STIM1: variants seen among roughly 807,000 people sequenced by gnomAD.
STIM1 encodes the protein stromal interaction molecule 1.
STIM1 carries 25 observed loss-of-function variants against 74.7 expected under a neutral mutation model. The ratio of observed to expected loss-of-function variants is 0.33; its 90% confidence interval spans 0.24 to 0.47. The LOEUF (loss-of-function observed/expected upper bound fraction) is 0.47. Among genes scored for constraint, STIM1 ranks in the 20% least tolerant of loss-of-function variants. The pLI, the probability that STIM1 is intolerant of heterozygous loss-of-function variation, is 1.00. For synonymous variants in STIM1, 328 were observed against 348.8 expected (o/e 0.94, Z 0.66); for missense variants, 728 against 920.8 (o/e 0.79, Z 2.71).
intron 1 of STIM1, among the ~76,000 whole-genome samples, chr11:3,921,478 C>T (rs569487457): frequency 6.6e-6 from 1 of 152,270 alleles, no homozygotes; most frequent in African/African-American, 2.4e-5. Flanking sequence ...AGAACATCAC[C>T]ATGATATATT....
At chr11:3,911,762 C>G (rs2048791946) in intron 1 of STIM1, among the ~76,000 whole-genome samples, 1 of 152,182 alleles carries the variant, frequency 6.6e-6, no homozygotes, top group African/African-American at 2.4e-5. Flanking sequence ...TCTCTGTCCT[C>G]CTTGCCTGTA....
At chr11:4,058,504 G>T (rs536127159) in intron 4 of STIM1, among the ~76,000 whole-genome samples, 1 of 152,310 alleles carries the variant, frequency 6.6e-6, no homozygotes, top group South Asian at 2.1e-4. Context: ...AGAATTAAGT[G>T]CTTACTTGTG....
At chr11:3,980,237 T>C (rs1463870758) in intron 2 of STIM1, among the ~76,000 whole-genome samples, 4 of 152,232 alleles carry the variant, frequency 2.6e-5, no homozygotes, top group African/African-American at 9.6e-5. Flanking sequence ...CTAGGTGTTA[T>C]TAACTCCATT....
chr11:3,918,018 T>G (rs1394958485), intron 1 of STIM1, among the ~76,000 whole-genome samples: 1 of 152,208 alleles, frequency 6.6e-6, no homozygotes, highest in African/African-American at 2.4e-5. Context: ...AGAGGGACTT[T>G]ATTGACTGAG....
At chr11:3,972,913 G>C in intron 2 of STIM1, 1 of 499,114 alleles carries the variant, frequency 2.0e-6, no homozygotes, top group Non-Finnish European at 4.0e-6. Context: ...TCCTCCTTTC[G>C]TGCATCCAAA....
intron 1 of STIM1, among the ~76,000 whole-genome samples, chr11:3,936,180 A>G (rs1203352374): frequency 2.0e-5 from 3 of 152,144 alleles, no homozygotes; most frequent in African/African-American, 7.2e-5. Flanking sequence ...AAAGACAGAG[A>G]AGTTAAGTGA....
chr11:4,005,120 T>G (rs989820095), intron 2 of STIM1, among the ~76,000 whole-genome samples: 3 of 152,146 alleles, frequency 2.0e-5, no homozygotes, highest in African/African-American at 7.2e-5. Flanking sequence ...TAGGAACACT[T>G]TTACACTGTT....
Position 3,923,192 on chromosome 11 carries a change from C to CT in STIM1, c.140-44357dup, listed in dbSNP as rs1190046151. Among the ~76,000 whole-genome samples the CT allele has an allele frequency of 2.6e-5, 4 of 151,860 alleles. No individual in the cohort carries two copies. In the East Asian group the frequency reaches 7.7e-4, roughly 29 times the overall value. On this transcript the variant is annotated intron_variant, in intron 1 of 12. Coordinates refer to ENST00000526596, the MANE Select transcript of STIM1 (RefSeq NM_001382567.1). ...TTATCTAAAAGTTTTATTGTTTCAC[C>CT]TTTCCCGTTAGATCTGCAATCCATC...
At chr11:4,074,398 TG>T in intron 6 of STIM1, 103 bp from the exon 7 acceptor site, 1 of 1,368,222 alleles carries the variant, frequency 7.3e-7, no homozygotes. Flanking sequence ...GAATATATGC[TG>T]AGAGTTGGAG....
intron 1 of STIM1, among the ~76,000 whole-genome samples, chr11:3,957,729 A>T (rs573487418): frequency 3.2e-4 from 49 of 151,252 alleles, no homozygotes; most frequent in Admixed American, 1.2e-3. Flanking sequence ...CTAATTAAAA[A>T]TTTTTTTTTC....
At chr11:4,078,605 T>C (rs567579988) in intron 7 of STIM1, among the ~76,000 whole-genome samples, 1 of 152,094 alleles carries the variant, frequency 6.6e-6, no homozygotes, top group East Asian at 1.9e-4. Context: ...CTCGCTCTTG[T>C]CGCCCAGGCT....
chr11:3,993,670 C>CA (rs2093635328), intron 2 of STIM1, among the ~76,000 whole-genome samples: 4 of 151,956 alleles, frequency 2.6e-5, no homozygotes, highest in African/African-American at 9.7e-5. Context: ...AAACAAAAAA[C>CA]GAAACAAAAA....
chr11:4,074,455 G>A (rs201382380), intron 6 of STIM1, 47 bp from the exon 7 acceptor site: 1 of 1,608,476 alleles, frequency 6.2e-7, no homozygotes, highest in South Asian at 1.1e-5. Flanking sequence ...ATGTTGGCTG[G>A]CACCCCCTTG....
chr11:3,901,090 T>C (rs914200719), intron 1 of STIM1, among the ~76,000 whole-genome samples: 1 of 151,696 alleles, frequency 6.6e-6, no homozygotes, highest in African/African-American at 2.4e-5. Flanking sequence ...GCTCTGGAGG[T>C]TGAGGCAGGA....
At chr11:4,055,994 A>C (rs1157716289) in intron 4 of STIM1, among the ~76,000 whole-genome samples, 1 of 152,210 alleles carries the variant, frequency 6.6e-6, no homozygotes, top group African/African-American at 2.4e-5. Context: ...AAACTGGTTA[A>C]GTAACTTATC....
rs778141513 is a variant in STIM1, at chr11:4,070,158, A to C, written c.746A>C (p.Glu249Ala). 6.2e-7 allele frequency: 1 copy of C among 1,614,160 alleles called. No homozygotes were observed. The highest frequency in any genetic ancestry group is 1.1e-5 in the South Asian group (1 of 91,080). ...EHMKKMMKDL[E>A]GLHRAEQSLH... ...ATGAAGAAGATGATGAAGGACTTGG[A>C]GGGGTTACACCGAGCTGAGCAGAGT... The change falls in exon 6 of 13, where the codon GAG becomes GCG. Residue 249 changes from glutamate to alanine, a missense_variant. By Grantham distance (107) the Glu-to-Ala change is moderately radical. This residue lies in a region of STIM1 where 132 missense variants were observed against 158.2 expected (regional missense o/e 0.83). Coordinates refer to ENST00000526596, the MANE Select transcript of STIM1 (RefSeq NM_001382567.1).
chr11:3,901,451 A>G (rs2092346229), intron 1 of STIM1, among the ~76,000 whole-genome samples: 2 of 152,158 alleles, frequency 1.3e-5, no homozygotes, highest in Admixed American at 6.5e-5. Flanking sequence ...CTGCTTTTCT[A>G]TTAGTATGAC....
intron 1 of STIM1, chr11:3,892,668 T>C: frequency 1.9e-6 from 3 of 1,611,620 alleles, no homozygotes; most frequent in Non-Finnish European, 1.7e-6. Context: ...GACTTGCTGC[T>C]AGTGCCATTA....
chr11:3,971,118 A>G lies in STIM1; in HGVS notation c.270+3436A>G, dbSNP rs372400453. On this transcript the variant is annotated intron_variant, in intron 2 of 12. Coordinates refer to ENST00000526596, the MANE Select transcript of STIM1 (RefSeq NM_001382567.1). ...GGGCCAGGTGTGGTGGCTGACACCT[A>G]TAATCCCAGCACTTTGGGAGGCCAA... Among the ~76,000 whole-genome samples the G allele has an allele frequency of 2.4e-4, 37 of 152,166 alleles. No homozygotes were observed. In the East Asian group the frequency reaches 2.7e-3, roughly 11 times the overall value.
Sources: allele counts gnomAD v4.1 joint callset (sites outside exome capture counted in the v4.1 genomes callset), GRCh38; gene constraint gnomAD v4.1.1; regional missense constraint gnomAD v4.1.1; transcripts MANE v1.5; gene names NCBI Gene and HGNC (gene_info 2026-07-23, HGNC 2026-07-21).